Variants in EQTN observed in about 807,000 individuals in gnomAD.
EQTN encodes Acrosome formation associated factor.
EQTN carries 29 observed loss-of-function variants against 26.9 expected under a neutral mutation model. That is an observed-to-expected ratio of 1.08 (90% CI 0.80 to 1.47). The LOEUF is 1.47. Ranked by LOEUF, EQTN falls within the 40% of genes most tolerant of loss-of-function variation. The pLI, the probability that EQTN is intolerant of heterozygous loss-of-function variation, is 0.00. For missense variants in EQTN, 391 were observed against 346.1 expected (o/e 1.13, Z -1.03); for synonymous variants, 129 against 120.0 (o/e 1.07, Z -0.49).
intron 5 of EQTN, among the ~76,000 whole-genome samples, chr9:27,289,971 A>T (rs780667540): frequency 6.6e-6 from 1 of 152,246 alleles, no homozygotes; most frequent in Non-Finnish European, 1.5e-5. Flanking sequence ...TCATCAACTG[A>T]TAAATAAATA....
intron 4 of EQTN, among the ~76,000 whole-genome samples, chr9:27,291,584 G>A (rs1204222512): frequency 6.6e-6 from 1 of 152,126 alleles, no homozygotes; most frequent in Non-Finnish European, 1.5e-5. Context: ...TTTCACAGTG[G>A]CCAGATTGTT....
intron 7 of EQTN, among the ~76,000 whole-genome samples, chr9:27,285,855 A>G (rs570834607): frequency 6.6e-6 from 1 of 152,330 alleles, no homozygotes; most frequent in East Asian, 1.9e-4. Flanking sequence ...CTGTTTTTTC[A>G]AAGTCTCAAG....
intron 6 of EQTN, among the ~76,000 whole-genome samples, chr9:27,287,104 T>C (rs1820139545): frequency 6.6e-6 from 1 of 152,212 alleles, no homozygotes; most frequent in Non-Finnish European, 1.5e-5. Flanking sequence ...AATAAACATT[T>C]AATGATGGCA....
chr9:27,286,443 G>A, intron 6 of EQTN, 81 bp from the exon 7 acceptor site: 1 of 1,382,076 alleles, frequency 7.2e-7, no homozygotes, highest in Non-Finnish European at 9.9e-7. Context: ...AGCAAATACA[G>A]AGAAGCAAGC....
intron 6 of EQTN, among the ~76,000 whole-genome samples, chr9:27,288,059 G>A (rs12352357): frequency 0.31 from 46,836 of 151,970 alleles, 8,023 homozygotes; most frequent in African/African-American, 0.45. Flanking sequence ...GCCTGCCTCA[G>A]CCTCCCAAAG....
At chr9:27,293,011 T>C (rs7873922) in intron 3 of EQTN, among the ~76,000 whole-genome samples, 60,063 of 152,038 alleles carry the variant, frequency 0.4, 12,731 homozygotes, top group African/African-American at 0.55. Context: ...TGGGTCCCTC[T>C]AGAGGAATGT....
Position 27,292,466 on chromosome 9 carries a change from G to C in EQTN, c.311C>G (p.Thr104Arg), listed in dbSNP as rs780695608. Reference protein sequence around the residue: ...LKNDKTVNATTYEKSTIEEET... With the variant: ...LKNDKTVNATRYEKSTIEEET... ...TTCTTCAATGGTGGATTTTTCATATGTAGTTGCATTGACAGTTTTATCTAG... is the reference window on the plus strand; with the variant it reads ...TTCTTCAATGGTGGATTTTTCATATCTAGTTGCATTGACAGTTTTATCTAG... The change falls in exon 4 of 8, where the codon ACA becomes AGA. Residue 104 changes from threonine to arginine, a missense_variant. By Grantham distance (71) the Thr-to-Arg change is moderately conservative. Coordinates refer to ENST00000380032, the MANE Select transcript of EQTN (RefSeq NM_020641.3). 2.2e-5 allele frequency: 35 copies of C among 1,605,766 alleles called. No individual in the cohort carries two copies. Among genetic ancestry groups the C allele is most frequent in the South Asian group, 2.0e-4 (18 of 89,550 alleles).
At chr9:27,285,034 T>C in intron 7 of EQTN, 62 bp from the exon 8 acceptor site, 1 of 1,460,230 alleles carries the variant, frequency 6.8e-7, no homozygotes, top group Non-Finnish European at 9.2e-7. Context: ...GTAACTCAGC[T>C]TAGAAAAGCA....
chr9:27,295,158 T>A (rs1011859087), intron 2 of EQTN, among the ~76,000 whole-genome samples: 1 of 152,164 alleles, frequency 6.6e-6, no homozygotes, highest in Non-Finnish European at 1.5e-5. Context: ...AAACTGCACA[T>A]AGACTAAATG....
At position 27,297,107 on chromosome 9, in the gene EQTN, C is replaced by T; in HGVS notation, c.-52G>A. On this transcript the variant is annotated 5_prime_UTR_variant, in exon 1 of 8. Transcript: ENST00000380032. ...AATCTAGTGCGTCTACCCAGAGCCT[C>T]CTTTCTGTGGCCCAGCAGGTCCTGT... The T allele has an allele frequency of 1.5e-6, 2 of 1,324,376 alleles. No homozygotes were observed. The allele number at this position is 1,324,376 out of a possible 1,614,324, so 82.0% of individuals were successfully genotyped here. A position where few individuals can be genotyped will look rare whatever the true frequency, so the allele number is the denominator to read the frequency against.
In EQTN at chr9:27,285,387, C is replaced by T. The variant is rs182898593; in HGVS notation, c.636-415G>A. On this transcript the variant is annotated intron_variant, in intron 7 of 7. Transcript: ENST00000380032. ...TTGATTTCTTGACCTCGTGATCCAC[C>T]TGCCTTGGCCTCCCAAAGTTCTGGG... 2.8e-4 allele frequency among the ~76,000 whole-genome samples: 42 copies of T among 152,164 alleles called. No individual in the cohort carries two copies. In the East Asian group the frequency reaches 7.9e-3, roughly 29 times the overall value.
chr9:27,290,902 G>A, intron 5 of EQTN, 117 bp downstream of exon 5: 2 of 728,344 alleles, frequency 2.7e-6, no homozygotes, highest in Non-Finnish European at 4.2e-6. Context: ...TATTACATGT[G>A]GCAACAAAAT....
Position 27,284,992 on chromosome 9 carries a change from A to T in EQTN, c.636-20T>A. Reference sequence around the variant, plus strand: ...TTATAACTGAAGAAGAAAAGAACATATATCAAGAATTGTTTTTAATTGTGT... The same window carrying T: ...TTATAACTGAAGAAGAAAAGAACATTTATCAAGAATTGTTTTTAATTGTGT... On this transcript the variant is annotated intron_variant, in intron 7 of 7. Coordinates refer to ENST00000380032, the MANE Select transcript of EQTN (RefSeq NM_020641.3). 6.3e-7 allele frequency: 1 copy of T among 1,595,200 alleles called. No individual in the cohort carries two copies. The highest frequency in any genetic ancestry group is 8.5e-7 in the Non-Finnish European group (1 of 1,171,608).
Position 27,286,117 on chromosome 9 carries a change from G to A in EQTN, c.635+92C>T, listed in dbSNP as rs192237024. Reference sequence around the variant, plus strand: ...GAATGTCGTATGGATGAATTCAGAGGTCACATATTCCTAAGAATCTACTAA... The same window carrying A: ...GAATGTCGTATGGATGAATTCAGAGATCACATATTCCTAAGAATCTACTAA... On this transcript the variant is annotated intron_variant, in intron 7 of 7. Coordinates refer to ENST00000380032, the MANE Select transcript of EQTN (RefSeq NM_020641.3). 1,931 of 1,270,612 alleles carry A rather than the reference G, an allele frequency of 1.5e-3. 1 individual carries two copies. The highest frequency in any genetic ancestry group is 2.0e-3 in the Non-Finnish European group (1,837 of 903,302). 78.7% of individuals were successfully genotyped at this position (1,270,612 alleles called of 1,614,324 possible).
intron 7 of EQTN, 140 bp from the exon 8 acceptor site, chr9:27,285,112 T>C (rs1347372952): frequency 2.2e-6 from 1 of 449,394 alleles, no homozygotes; most frequent in Non-Finnish European, 3.8e-6. Context: ...GTGAATGATA[T>C]ATAGTTTTTC....
intron 6 of EQTN, among the ~76,000 whole-genome samples, chr9:27,287,718 A>G (rs1010139560): frequency 6.6e-6 from 1 of 152,238 alleles, no homozygotes; most frequent in Non-Finnish European, 1.5e-5. Context: ...AGGAGAAATG[A>G]CACAGTATTT....
rs1587116303 is a variant in EQTN at position 27,294,319 on chromosome 9, T to G, written c.286A>C (p.Asn96His). 6.2e-7 allele frequency: 1 copy of G among 1,608,108 alleles called. No individual in the cohort carries two copies. Among genetic ancestry groups the G allele is most frequent in the East Asian group, 2.2e-5 (1 of 44,820 alleles). Residue 96 changes from asparagine to histidine, a missense_variant, in exon 3 of 8, where the codon AAC becomes CAC. Coordinates refer to ENST00000380032, the MANE Select transcript of EQTN (RefSeq NM_020641.3). The part of the protein sequence containing the change: ...ATTDLNFALK[N>H]DKTVNATTYE... ...AATGGTGCCTTTCACTTCTTACCGT[T>G]TTTTAGAGCAAAATTCAGGTCAGTT...
intron 2 of EQTN, among the ~76,000 whole-genome samples, chr9:27,294,886 C>G (rs1420620145): frequency 6.6e-6 from 1 of 152,144 alleles, no homozygotes; most frequent in Non-Finnish European, 1.5e-5. Flanking sequence ...GAATGCTGCT[C>G]TTAAGACTCA....
At chr9:27,287,738 G>A (rs903599315) in intron 6 of EQTN, among the ~76,000 whole-genome samples, 4 of 152,146 alleles carry the variant, frequency 2.6e-5, no homozygotes, top group African/African-American at 7.2e-5. Context: ...TATAAAATGA[G>A]CCAGCATTTG....
Sources: gnomAD v4.1 joint callset for allele counts (sites outside exome capture counted in the v4.1 genomes callset) on GRCh38, gnomAD v4.1.1 for gene constraint, MANE v1.5 for transcripts, NCBI Gene and HGNC (gene_info 2026-07-23, HGNC 2026-07-21) for gene names.